The following SERPINE3 variants were observed in gnomAD, a reference collection of about 807,000 sequenced individuals.
The protein encoded by SERPINE3 is serpin E3.
A neutral mutation model predicts 41.7 loss-of-function variants in SERPINE3; 43 were observed. The observed-to-expected ratio is 1.03, with a 90% CI of 0.81 to 1.33. The LOEUF (loss-of-function observed/expected upper bound fraction) is 1.33, where lower values mean the gene tolerates loss of function less well. SERPINE3 is among the 40% of genes most tolerant of loss of function. SERPINE3 has a pLI of 0.00. For synonymous variants in SERPINE3, 200 were observed against 192.2 expected (o/e 1.04, Z -0.34); for missense variants, 440 against 491.7 (o/e 0.89, Z 0.99).
chr13:51,359,611 T>G (rs371740378), intron 7 of SERPINE3, among the ~76,000 whole-genome samples: 1 of 152,112 alleles, frequency 6.6e-6, no homozygotes, highest in East Asian at 1.9e-4. Context: ...ACTGCCAAGG[T>G]GCCCAGACTA....
chr13:51,340,756 C>T, intron 1 of SERPINE3, 28 bp from the exon 2 acceptor site: 1 of 361,528 alleles, frequency 2.8e-6, no homozygotes, highest in Non-Finnish European at 5.1e-6. Flanking sequence ...CTTTTCCCAA[C>T]ATAATGCTTT....
chr13:51,361,572 G>C (rs1466457488), intron 8 of SERPINE3: 16 of 585,886 alleles, frequency 2.7e-5, no homozygotes, highest in Non-Finnish European at 1.8e-5. Flanking sequence ...AAATAATTCT[G>C]AAAGTTACCT....
chr13:51,345,078 C>T (rs1388586348), intron 4 of SERPINE3, among the ~76,000 whole-genome samples: 2 of 152,108 alleles, frequency 1.3e-5, no homozygotes, highest in Non-Finnish European at 2.9e-5. Context: ...AAATCATGAA[C>T]GTTTACTGAG....
At position 51,355,177 on chromosome 13, in the gene SERPINE3, G is replaced by A. The variant is rs376288313; in HGVS notation, c.1000+34G>A. The A allele has an allele frequency of 2.2e-4, 221 of 1,022,912 alleles. 1 individual carries two copies. In the Admixed American group the frequency reaches 4.2e-3, roughly 19 times the overall value. 63.4% of individuals were successfully genotyped at this position (1,022,912 alleles called of 1,614,324 possible). A position where few individuals can be genotyped will look rare whatever the true frequency, so the allele number is the denominator to read the frequency against. ...GGTTCTTCTTCCAAACGTTCTAGCC[G>A]TGTATTTGGGGCAGTTTTATCATAC... On this transcript the variant is annotated intron_variant, in intron 7 of 9. Transcript: ENST00000681248.
chr13:51,349,309 T>C (rs547520388), intron 6 of SERPINE3, among the ~76,000 whole-genome samples: 128 of 152,204 alleles, frequency 8.4e-4, no homozygotes, highest in Middle Eastern at 3.4e-3. Context: ...AGAGACCCAG[T>C]AAGTTAAGGG....
chr13:51,344,380 G>T lies in SERPINE3; in HGVS notation c.385G>T (p.Glu129Ter), dbSNP rs752913871. ...VGTPLSPCFVEHVSWWANSSL... is the reference protein window; with the variant it reads ...VGTPLSPCFV Reference sequence around the variant, plus strand: ...AACGCCACTGTCCCCCTGCTTTGTGGAGCACGTCTCCTGGTGGGCTAACAG... The same window carrying T: ...AACGCCACTGTCCCCCTGCTTTGTGTAGCACGTCTCCTGGTGGGCTAACAG... Residue 129 changes from glutamate to a stop codon, truncating the protein, a stop_gained, in exon 4 of 10, where the codon GAG (glutamate) becomes TAG (stop). Transcript: ENST00000681248. LOFTEE classifies it high-confidence loss of function. 4.3e-6 allele frequency: 7 copies of T among 1,613,138 alleles called. No homozygotes were observed. The highest frequency in any genetic ancestry group is 5.9e-6 in the Non-Finnish European group (7 of 1,179,552).
Position 51,355,061 on chromosome 13 carries a change from AT to A in SERPINE3, c.920del (p.Phe307SerfsTer3), listed in dbSNP as rs765431401. 266 of 1,539,142 alleles carry A rather than the reference AT, an allele frequency of 1.7e-4. No homozygotes were observed. The highest frequency in any genetic ancestry group is 2.3e-4 in the Non-Finnish European group (256 of 1,134,710). The stretch of plus-strand genomic sequence containing the variant: ...CTTTTAGGTTTAGGATCCAAAATCA[AT>A]TCAACTTAAAAAGCATTTTAAATTC... ...FLPRFRIQNQFNLKSILNSWG... is the reference protein window; with the variant it reads ...FLPRFRIQNQXNLKSILNSWG... On this transcript the variant is annotated frameshift_variant, in exon 7 of 10. Transcript: ENST00000681248. LOFTEE classifies it high-confidence loss of function.
chr13:51,358,725 A>G (rs529050877), intron 7 of SERPINE3, among the ~76,000 whole-genome samples: 6 of 152,222 alleles, frequency 3.9e-5, no homozygotes, highest in African/African-American at 1.4e-4. Flanking sequence ...ATAGTCTAAA[A>G]AGGAAGGTAA....
intron 7 of SERPINE3, among the ~76,000 whole-genome samples, chr13:51,357,619 G>T (rs1955499809): frequency 6.6e-6 from 1 of 151,864 alleles, no homozygotes; most frequent in African/African-American, 2.4e-5. Context: ...GCTGCCTTAA[G>T]GACTCATTCA....
intron 6 of SERPINE3, 138 bp downstream of exon 6, chr13:51,348,549 G>C: frequency 1.5e-6 from 1 of 661,130 alleles, no homozygotes; most frequent in South Asian, 1.9e-5. Flanking sequence ...CCAGAAGTTA[G>C]ACCAAGAGGA....
At chr13:51,348,106 G>T in intron 5 of SERPINE3, 107 bp from the exon 6 acceptor site, 1 of 807,188 alleles carries the variant, frequency 1.2e-6, no homozygotes, top group South Asian at 1.8e-5. Context: ...GTGGATGCTC[G>T]GTTTTATTGT....
chr13:51,344,350 G>A lies in SERPINE3; in HGVS notation c.355G>A (p.Val119Met). ...GCTGGCCTGCAGCCTTTTTGTGCAA[G>A]TGGGAACGCCACTGTCCCCCTGCTT... The part of the protein sequence containing the change: ...MELACSLFVQ[V>M]GTPLSPCFVE... Residue 119 changes from valine (V) to methionine (M), a missense_variant, in exon 4 of 10, where the codon GTG becomes ATG. By Grantham distance (21) the Val-to-Met change is conservative. Coordinates refer to ENST00000681248, the MANE Select transcript of SERPINE3 (RefSeq NM_001386375.1). The A allele has an allele frequency of 6.2e-7, 1 of 1,613,850 alleles. No individual in the cohort carries two copies. Among genetic ancestry groups the A allele is most frequent in the Middle Eastern group, 1.6e-4 (1 of 6,062 alleles).
chr13:51,360,326 G>A (rs1955552785), intron 7 of SERPINE3, among the ~76,000 whole-genome samples: 1 of 152,026 alleles, frequency 6.6e-6, no homozygotes, highest in Admixed American at 6.6e-5. Flanking sequence ...GAATGGAGGA[G>A]AGGGGTGGGA....
rs758305866 is a variant in SERPINE3, at chr13:51,341,284, C to A, written c.193C>A (p.Gln65Lys). The A allele has an allele frequency of 6.2e-7, 1 of 1,613,714 alleles. No individual in the cohort carries two copies. Among genetic ancestry groups the A allele is most frequent in the Non-Finnish European group, 8.5e-7 (1 of 1,179,756 alleles). ...AGVSLPLEIL[Q>K]FGAEGSTGQQ... ...TGTGTCCCTCCCCCTGGAGATCCTG[C>A]AGTTTGGAGCAGAAGGGAGCACTGG... Residue 65 changes from glutamine (Q) to lysine (K), a missense_variant, in exon 3 of 10, where the codon CAG becomes AAG. Coordinates refer to ENST00000681248, the MANE Select transcript of SERPINE3 (RefSeq NM_001386375.1).
At chr13:51,358,644 G>A (rs1407563663) in intron 7 of SERPINE3, among the ~76,000 whole-genome samples, 1 of 152,046 alleles carries the variant, frequency 6.6e-6, no homozygotes, top group Non-Finnish European at 1.5e-5. Context: ...AATGTACCAA[G>A]TATTTTTAAT....
chr13:51,356,175 CAA>C (rs1955478932), intron 7 of SERPINE3, among the ~76,000 whole-genome samples: 2 of 152,178 alleles, frequency 1.3e-5, no homozygotes, highest in East Asian at 1.9e-4. Flanking sequence ...CCTGAACACG[CAA>C]AGAGATAGCA....
chr13:51,348,654 A>G (rs1203530973), intron 6 of SERPINE3: 2 of 493,596 alleles, frequency 4.1e-6, no homozygotes, highest in Non-Finnish European at 7.2e-6. Context: ...TTTCCAAGAC[A>G]AGATATTCTG....
intron 9 of SERPINE3, chr13:51,362,137 AT>A (rs372324956): frequency 0.023 from 22,539 of 986,480 alleles, 26 homozygotes; most frequent in African/African-American, 0.041. Context: ...GTTAATGTAG[AT>A]TTTTTTTTTT....
chr13:51,352,024 C>T (rs1160367586), intron 6 of SERPINE3, among the ~76,000 whole-genome samples: 20 of 152,120 alleles, frequency 1.3e-4, no homozygotes, highest in Admixed American at 1.3e-3. Context: ...CAGTACCACA[C>T]AGTCTTCATT....
Sources: allele counts gnomAD v4.1 joint callset (sites outside exome capture counted in the v4.1 genomes callset), GRCh38; gene constraint gnomAD v4.1.1; transcripts MANE v1.5; gene names NCBI Gene and HGNC (gene_info 2026-07-23, HGNC 2026-07-21).